The following BSDC1 variants were observed in gnomAD, a reference collection of about 807,000 sequenced individuals.
BSDC1 encodes the protein BSD domain-containing protein 1.
A neutral mutation model predicts 56.0 loss-of-function variants in BSDC1; 29 were observed. The observed-to-expected ratio is 0.52, with a 90% confidence interval of 0.39 to 0.71. The LOEUF is 0.71. Ranked by LOEUF, BSDC1 falls within the 30% of genes least tolerant of loss-of-function variation. The probability of loss-of-function intolerance (pLI) is 0.00; values close to 1 mark genes in which losing one functional copy is unlikely to be tolerated. For synonymous variants in BSDC1, 210 were observed against 215.3 expected, an observed-to-expected ratio of 0.98 and a Z score of 0.21; for missense variants, 477 against 548.5, an observed-to-expected ratio of 0.87 and a Z score of 1.30.
intron 8 of BSDC1, 60 bp from the exon 9 acceptor site, chr1:32,376,801 C>T (rs1272558366): frequency 7.6e-7 from 1 of 1,322,500 alleles, no homozygotes; most frequent in African/African-American, 1.5e-5. Context: ...CATAAGACAA[C>T]CTTGGAGCTC....
chr1:32,388,686 C>T (rs1470134147), intron 2 of BSDC1, among the ~76,000 whole-genome samples: 1 of 152,192 alleles, frequency 6.6e-6, no homozygotes, highest in African/African-American at 2.4e-5. Context: ...ACCACTGTGC[C>T]GTTCACTGAG....
intron 9 of BSDC1, 118 bp from the exon 10 acceptor site, chr1:32,368,668 C>T (rs1303783888): frequency 1.4e-6 from 2 of 1,395,470 alleles, no homozygotes; most frequent in Admixed American, 4.8e-5. Flanking sequence ...CAAGTCTTTA[C>T]ATTTTGTGTT....
In BSDC1 at chr1:32,392,100, G is replaced by A. The variant is rs550543745; in HGVS notation, c.72+1980C>T. ...TAATCCTAGCACTTTGGGAGGCCGA[G>A]GCAGGCGGATCACCTGAGGTCAGGA... On this transcript the variant is annotated intron_variant, in intron 2 of 10. Transcript: ENST00000455895. 5.9e-5 allele frequency among the ~76,000 whole-genome samples: 9 copies of A among 152,294 alleles called. No homozygotes were observed. In the East Asian group the frequency reaches 1.5e-3, roughly 26 times the overall value.
At chr1:32,393,143 G>A (rs917234856) in intron 2 of BSDC1, among the ~76,000 whole-genome samples, 1 of 152,188 alleles carries the variant, frequency 6.6e-6, no homozygotes, top group African/African-American at 2.4e-5. Flanking sequence ...CCCTGAAGCA[G>A]GACTCATCCC....
In BSDC1 at chr1:32,376,651, G is replaced by A; in HGVS notation, c.767C>T (p.Pro256Leu). 7.0e-7 allele frequency: 1 copy of A among 1,425,072 alleles called. No individual in the cohort carries two copies. Among genetic ancestry groups the A allele is most frequent in the Non-Finnish European group, 9.3e-7 (1 of 1,077,276 alleles). 88.3% of individuals were successfully genotyped at this position (1,425,072 alleles called of 1,614,324 possible). A position where few individuals can be genotyped will look rare whatever the true frequency, so the allele number is the denominator to read the frequency against. The change falls in exon 9 of 11, where the codon CCC becomes CTC. Residue 256 changes from proline (P) to leucine (L), a missense_variant. Transcript: ENST00000455895. ...ISTFPEGEPG[P>L]QSPCEENLVT... ...CAGATTCTCTTCACAGGGGCTCTGGGGGCCAGGTTCTCCTTCAGGGAATGT... is the reference window on the plus strand; with the variant it reads ...CAGATTCTCTTCACAGGGGCTCTGGAGGCCAGGTTCTCCTTCAGGGAATGT...
In BSDC1 at chr1:32,376,546, T is replaced by C. The variant is rs370603325; in HGVS notation, c.872A>G (p.Asn291Ser). 7.1e-6 allele frequency: 11 copies of C among 1,557,778 alleles called. No individual in the cohort carries two copies. Among genetic ancestry groups the C allele is most frequent in the Admixed American group, 3.5e-5 (2 of 56,426 alleles). Residue 291 changes from asparagine to serine, a missense_variant, in exon 9 of 11, where the codon AAC becomes AGC. Asn to Ser is a conservative substitution (Grantham distance 46, BLOSUM62 1). Coordinates refer to ENST00000455895, the MANE Select transcript of BSDC1 (RefSeq NM_018045.8). Reference protein sequence around the residue: ...ESISLVTQIANPATAPEARVL... With the variant: ...ESISLVTQIASPATAPEARVL... ...TCGTGCCTCAGGTGCAGTGGCCGGG[T>C]TGGCGATCTGTGTCACGAGGGAGAT...
intron 2 of BSDC1, among the ~76,000 whole-genome samples, chr1:32,389,945 T>G (rs1557657270): frequency 6.9e-6 from 1 of 145,788 alleles, no homozygotes; most frequent in African/African-American, 2.6e-5. Context: ...TGCACTCCAG[T>G]CTGGGTAACA....
chr1:32,374,567 G>C (rs1199289695), intron 9 of BSDC1: 1 of 152,164 alleles, frequency 6.6e-6, no homozygotes, highest in Non-Finnish European at 1.5e-5. Context: ...CCTTCTCCTG[G>C]GAGAGAATAC....
chr1:32,381,869 C>G (rs531723449), intron 4 of BSDC1, among the ~76,000 whole-genome samples: 37 of 152,204 alleles, frequency 2.4e-4, no homozygotes, highest in Non-Finnish European at 4.0e-4. Flanking sequence ...CACATGTTCA[C>G]TAAGTGGTGG....
Position 32,366,482 on chromosome 1 carries a change from G to A in BSDC1, c.*140C>T. 1 of 853,740 alleles carries A rather than the reference G, an allele frequency of 1.2e-6. No homozygotes were observed. Among genetic ancestry groups the A allele is most frequent in the Non-Finnish European group, 2.0e-6 (1 of 510,746 alleles). 52.9% of individuals were successfully genotyped at this position (853,740 alleles called of 1,614,324 possible). Reference sequence around the variant, plus strand: ...AGCAGAGGCCCAAGAGGGCCAGCAGGGAGCCACCAGAATCTGTGCCCAGAG... The same window carrying A: ...AGCAGAGGCCCAAGAGGGCCAGCAGAGAGCCACCAGAATCTGTGCCCAGAG... On this transcript the variant is annotated 3_prime_UTR_variant, in exon 11 of 11. Transcript: ENST00000455895.
intron 9 of BSDC1, among the ~76,000 whole-genome samples, chr1:32,372,470 G>A (rs1203493960): frequency 6.6e-6 from 1 of 152,234 alleles, no homozygotes; most frequent in Admixed American, 6.5e-5. Flanking sequence ...AGAGAACAGA[G>A]TATCCACTAA....
At chr1:32,376,029 G>A (rs1047787217) in intron 9 of BSDC1, among the ~76,000 whole-genome samples, 3 of 152,176 alleles carry the variant, frequency 2.0e-5, no homozygotes, top group Non-Finnish European at 4.4e-5. Flanking sequence ...CATCAAACTT[G>A]TTTTGTTGAC....
intron 5 of BSDC1, among the ~76,000 whole-genome samples, chr1:32,379,449 TC>T (rs1642409927): frequency 6.6e-6 from 1 of 152,058 alleles, no homozygotes. Flanking sequence ...GATCCAGAGG[TC>T]CAGGTACCCC....
rs1641847664 is a variant in BSDC1 at position 32,366,305 on chromosome 1, CCCAGCAGGAGTCCTCAGGAACAGTGGG to C, written c.*290_*316del. On this transcript the variant is annotated 3_prime_UTR_variant, in exon 11 of 11. Transcript: ENST00000455895. ...GGGCTAGAACTATCCCTTGGGACTT[CCCAGCAGGAGTCCTCAGGAACAGTGGG>C]TGTTCAGCAGAAAAACACAGGCTCT... 2 of 549,348 alleles carry C rather than the reference CCCAGCAGGAGTCCTCAGGAACAGTGGG, an allele frequency of 3.6e-6. No individual in the cohort carries two copies. The highest frequency in any genetic ancestry group is 6.7e-6 in the Non-Finnish European group (2 of 299,192). 34.0% of individuals were successfully genotyped at this position (549,348 alleles called of 1,614,324 possible). A position where few individuals can be genotyped will look rare whatever the true frequency, so the allele number is the denominator to read the frequency against.
intron 2 of BSDC1, among the ~76,000 whole-genome samples, chr1:32,388,986 G>A (rs1283033332): frequency 3.6e-5 from 5 of 139,190 alleles, no homozygotes; most frequent in Non-Finnish European, 6.1e-5. Flanking sequence ...ATGGAGTTTC[G>A]CTCTGTTACC....
At chr1:32,370,729 G>A (rs1052424897) in intron 9 of BSDC1, among the ~76,000 whole-genome samples, 10 of 148,928 alleles carry the variant, frequency 6.7e-5, no homozygotes, top group African/African-American at 2.5e-4. Flanking sequence ...GCTTGAACCC[G>A]GGAGGCAGAG....
intron 10 of BSDC1, chr1:32,367,572 G>A (rs914744739): frequency 1.0e-6 from 1 of 985,394 alleles, no homozygotes; most frequent in Non-Finnish European, 1.2e-6. Context: ...ATGTGACAGT[G>A]GAACTAACGC....
Position 32,381,281 on chromosome 1 carries a change from G to T in BSDC1, c.358-13C>A. ...TATAGAGGCGAGCCTGTAAGAAAAGGAGAAGAGGAAAACAGAAATTCTGAG... is the reference window on the plus strand; with the variant it reads ...TATAGAGGCGAGCCTGTAAGAAAAGTAGAAGAGGAAAACAGAAATTCTGAG... On this transcript the variant is annotated splice_polypyrimidine_tract_variant and intron_variant, in intron 4 of 10. Transcript: ENST00000455895. 6.2e-7 allele frequency: 1 copy of T among 1,613,190 alleles called. No homozygotes were observed. The highest frequency in any genetic ancestry group is 1.1e-5 in the South Asian group (1 of 90,894).
chr1:32,372,935 C>A (rs1385179339), intron 9 of BSDC1, among the ~76,000 whole-genome samples: 1 of 152,206 alleles, frequency 6.6e-6, no homozygotes, highest in African/African-American at 2.4e-5. Context: ...CCCTTCTCTG[C>A]AGAAAGAAGT....
Sources: allele counts gnomAD v4.1 joint callset (sites outside exome capture counted in the v4.1 genomes callset), GRCh38; gene constraint gnomAD v4.1.1; transcripts MANE v1.5; gene names NCBI Gene and HGNC (gene_info 2026-07-23, HGNC 2026-07-21).